The following RIPOR2 variants were observed in gnomAD, a reference collection of about 807,000 sequenced individuals.
RIPOR2 encodes rho family-interacting cell polarization regulator 2.
Under a neutral mutation model 114.5 loss-of-function variants are expected in RIPOR2, and 39 were observed. That is an observed-to-expected ratio of 0.34 (90% confidence interval 0.26 to 0.44). RIPOR2 has a LOEUF of 0.44. Ranked by LOEUF, RIPOR2 falls within the 20% of genes least tolerant of loss-of-function variation. The pLI, the probability that RIPOR2 is intolerant of heterozygous loss-of-function variation, is 1.00. For missense variants in RIPOR2, 1,007 were observed against 1,255.1 expected (o/e 0.80, Z 2.99); for synonymous variants, 445 against 484.4 (o/e 0.92, Z 1.07).
chr6:24,964,153 G>GTC (rs907848858), intron 1 of RIPOR2, among the ~76,000 whole-genome samples: 2 of 148,688 alleles, frequency 1.3e-5, no homozygotes, highest in African/African-American at 4.9e-5. Flanking sequence ...GGCTCTGTGT[G>GTC]TGTGTGTGTG....
At chr6:24,892,539 AT>A (rs199586450) in intron 1 of RIPOR2, among the ~76,000 whole-genome samples, 1 of 151,058 alleles carries the variant, frequency 6.6e-6, no homozygotes, top group Non-Finnish European at 1.5e-5. Context: ...TGCCTTTTCC[AT>A]TTTTTTTCTA....
Position 24,806,353 on chromosome 6 carries a change from G to A in RIPOR2, c.*20C>T, listed in dbSNP as rs1333939519. The A allele has an allele frequency of 6.8e-7, 1 of 1,476,360 alleles. No homozygotes were observed. Among genetic ancestry groups the A allele is most frequent in the Non-Finnish European group, 9.3e-7 (1 of 1,078,096 alleles). The allele number at this position is 1,476,360 out of a possible 1,614,324, so 91.5% of individuals were successfully genotyped here. On this transcript the variant is annotated 3_prime_UTR_variant, in exon 22 of 22. Coordinates refer to ENST00000643898, the MANE Select transcript of RIPOR2 (RefSeq NM_001286445.3). ...AAAAGGGCCAGATATTAAGACAGCTGTTAGGCAGTTAACCTGTAATTAAAA... is the reference window on the plus strand; with the variant it reads ...AAAAGGGCCAGATATTAAGACAGCTATTAGGCAGTTAACCTGTAATTAAAA...
chr6:24,927,461 AATC>A lies in RIPOR2; in HGVS notation c.61+8374_61+8376del, dbSNP rs200199820. ...CCACCATCATCAACATTATCATCAT[AATC>A]ATCATCACCATAACCACCACTACAA... On this transcript the variant is annotated intron_variant, in intron 1 of 21. Coordinates refer to ENST00000643898, the MANE Select transcript of RIPOR2 (RefSeq NM_001286445.3). Among the ~76,000 whole-genome samples, 30 of 151,690 alleles carry A rather than the reference AATC, an allele frequency of 2.0e-4. No individual in the cohort carries two copies. In the East Asian group the frequency reaches 5.6e-3, roughly 28 times the overall value.
chr6:25,005,406 A>G (rs1536768), intron 1 of RIPOR2, among the ~76,000 whole-genome samples: 86,418 of 151,862 alleles, frequency 0.57, 25,099 homozygotes, highest in African/African-American at 0.61. Flanking sequence ...ACCTGCACAG[A>G]CCTGCAGAGC....
intron 1 of RIPOR2, among the ~76,000 whole-genome samples, chr6:25,033,548 C>T (rs1041690022): frequency 1.3e-5 from 2 of 152,158 alleles, no homozygotes; most frequent in Admixed American, 6.5e-5. Context: ...TTGCTCATTG[C>T]TATTGGGTAT....
rs1232229285 is a variant in RIPOR2 at position 24,809,816 on chromosome 6, G to A, written c.2953-9C>T. The A allele has an allele frequency of 4.0e-6, 6 of 1,511,574 alleles. No homozygotes were observed. In the East Asian group the frequency reaches 7.4e-5, roughly 19 times the overall value. 93.6% of individuals were successfully genotyped at this position (1,511,574 alleles called of 1,614,324 possible). On this transcript the variant is annotated splice_polypyrimidine_tract_variant and intron_variant, in intron 20 of 21. Coordinates refer to ENST00000643898, the MANE Select transcript of RIPOR2 (RefSeq NM_001286445.3). ...TTAATGCTTTCAGTAGCCTATGGGG[G>A]AAAAATAGGTTAAATCGTGTTTTGA...
intron 1 of RIPOR2, among the ~76,000 whole-genome samples, chr6:24,876,734 CG>C (rs1187475649): frequency 1.3e-5 from 2 of 152,028 alleles, no homozygotes; most frequent in African/African-American, 4.8e-5. Flanking sequence ...CAAGGGCGGT[CG>C]GGGGGAAGGT....
At chr6:24,917,782 G>A (rs918724087) in intron 1 of RIPOR2, among the ~76,000 whole-genome samples, 2 of 152,196 alleles carry the variant, frequency 1.3e-5, no homozygotes, top group Non-Finnish European at 2.9e-5. Flanking sequence ...GCCCGCATCA[G>A]CCTCCCAAAG....
At chr6:24,890,649 AT>A (rs113557258) in intron 1 of RIPOR2, among the ~76,000 whole-genome samples, 5 of 150,034 alleles carry the variant, frequency 3.3e-5, no homozygotes, top group Non-Finnish European at 4.4e-5. Flanking sequence ...TACCCAATAG[AT>A]TTTTTTCTTT....
chr6:24,916,396 A>T (rs1262433768), intron 1 of RIPOR2, among the ~76,000 whole-genome samples: 2 of 152,054 alleles, frequency 1.3e-5, no homozygotes, highest in Non-Finnish European at 2.9e-5. Flanking sequence ...ACTTCTCCTC[A>T]TTGGTTTATA....
chr6:25,001,067 T>A (rs984976355), intron 1 of RIPOR2, among the ~76,000 whole-genome samples: 1 of 152,192 alleles, frequency 6.6e-6, no homozygotes, highest in African/African-American at 2.4e-5. Flanking sequence ...CTGGTGCATG[T>A]GCACACACAT....
At chr6:25,034,369 C>T (rs927970928) in intron 1 of RIPOR2, among the ~76,000 whole-genome samples, 5 of 152,034 alleles carry the variant, frequency 3.3e-5, no homozygotes, top group South Asian at 2.1e-4. Context: ...CATGTTCTTA[C>T]GCAGTGAAAC....
At chr6:24,860,488 T>A (rs1763971014) in intron 8 of RIPOR2, among the ~76,000 whole-genome samples, 1 of 152,234 alleles carries the variant, frequency 6.6e-6, no homozygotes, top group African/African-American at 2.4e-5. Flanking sequence ...AATGGGTTAA[T>A]AACCAGGGTT....
At chr6:24,965,919 C>A (rs1304020176) in intron 1 of RIPOR2, among the ~76,000 whole-genome samples, 1 of 152,114 alleles carries the variant, frequency 6.6e-6, no homozygotes, top group Non-Finnish European at 1.5e-5. Context: ...TTTGTTTCTT[C>A]TGTATTGCAA....
intron 1 of RIPOR2, among the ~76,000 whole-genome samples, chr6:24,982,612 A>G (rs1327518905): frequency 1.3e-5 from 2 of 152,178 alleles, no homozygotes; most frequent in Non-Finnish European, 2.9e-5. Flanking sequence ...GTGGCTTCCT[A>G]AGAATCAAAT....
At chr6:24,964,682 G>A (rs754026359) in intron 1 of RIPOR2, among the ~76,000 whole-genome samples, 3 of 152,214 alleles carry the variant, frequency 2.0e-5, no homozygotes, top group African/African-American at 4.8e-5. Flanking sequence ...CATATGGTAA[G>A]TGAATGCTTA....
chr6:24,919,833 C>T (rs933082107), intron 1 of RIPOR2, among the ~76,000 whole-genome samples: 6 of 152,176 alleles, frequency 3.9e-5, no homozygotes, highest in Non-Finnish European at 8.8e-5. Flanking sequence ...AATTCACACA[C>T]GTTTGAGCCT....
At position 24,809,782 on chromosome 6, in the gene RIPOR2, A is replaced by T; in HGVS notation, c.2978T>A (p.Val993Glu). 1.3e-6 allele frequency: 2 copies of T among 1,550,624 alleles called. No individual in the cohort carries two copies. Among genetic ancestry groups the T allele is most frequent in the Non-Finnish European group, 1.7e-6 (2 of 1,145,996 alleles). Residue 993 changes from valine to glutamate, a missense_variant, in exon 21 of 22, where the codon GTG becomes GAG. Coordinates refer to ENST00000643898, the MANE Select transcript of RIPOR2 (RefSeq NM_001286445.3). ...TTCAGTATCAGATTGACACAATGTC[A>T]CCAGCATTTTAATGCTTTCAGTAGC... ...LEATESIKML[V>E]TLCQSDTEEI... is the part of the protein sequence containing the mutation.
chr6:24,844,742 G>A lies in RIPOR2; in HGVS notation c.1165-1188C>T, dbSNP rs541117466. On this transcript the variant is annotated intron_variant, in intron 12 of 21. Coordinates refer to ENST00000643898, the MANE Select transcript of RIPOR2 (RefSeq NM_001286445.3). ...TCCGCCTGCCTCAGCCTCCCAAAGT[G>A]CTGGGATTACAGGCGTGAGCCACCG... 6.6e-5 allele frequency among the ~76,000 whole-genome samples: 10 copies of A among 152,274 alleles called. No homozygotes were observed. The East Asian group carries it at 1.9e-3, about 29-fold the overall frequency.
Sources: allele counts gnomAD v4.1 joint callset (sites outside exome capture counted in the v4.1 genomes callset), GRCh38; gene constraint gnomAD v4.1.1; transcripts MANE v1.5; gene names NCBI Gene and HGNC (gene_info 2026-07-23, HGNC 2026-07-21).